ZMYM2: variants seen among roughly 807,000 people sequenced by gnomAD.
ZMYM2 encodes the protein zinc finger MYM-type protein 2.
A neutral mutation model predicts 162.8 loss-of-function variants in ZMYM2; 56 were observed. The ratio of observed to expected loss-of-function variants is 0.34; its 90% CI spans 0.28 to 0.43. The LOEUF (loss-of-function observed/expected upper bound fraction) is 0.43. Among genes scored for constraint, ZMYM2 ranks in the 20% least tolerant of loss-of-function variants. The pLI is 1.00. For synonymous variants in ZMYM2, 510 were observed against 541.6 expected (o/e 0.94, Z 0.81); for missense variants, 1,275 against 1,621.8 (o/e 0.79, Z 3.67).
chr13:19,888,463 A>T, the ZMYM2 span, among the ~76,000 whole-genome samples: 1 of 151,854 alleles, frequency 6.6e-6, no homozygotes, highest in South Asian at 2.1e-4. Context: ...TGCTGGCAAT[A>T]CAGGCATGAG....
At chr13:19,915,230 G>A in the ZMYM2 span, among the ~76,000 whole-genome samples, 7 of 151,998 alleles carry the variant, frequency 4.6e-5, no homozygotes, top group African/African-American at 1.7e-4. Context: ...CAAAGTGCTG[G>A]GATTACAGGC....
intron 21 of ZMYM2, among the ~76,000 whole-genome samples, chr13:20,078,725 C>T (rs947683115): frequency 3.3e-5 from 5 of 152,008 alleles, no homozygotes; most frequent in Non-Finnish European, 7.4e-5. Flanking sequence ...AAAATATATA[C>T]AAGATTTCAA....
chr13:20,079,342 AAGGAT>A (rs1247571320), intron 21 of ZMYM2, among the ~76,000 whole-genome samples: 1 of 133,198 alleles, frequency 7.5e-6, no homozygotes, highest in Non-Finnish European at 1.5e-5. Context: ...AAAAAAAAAA[AAGGAT>A]ACTTAATGAA....
the ZMYM2 span, among the ~76,000 whole-genome samples, chr13:19,932,837 A>G: frequency 9.2e-5 from 14 of 152,226 alleles, no homozygotes; most frequent in African/African-American, 3.4e-4. Flanking sequence ...TTTGTTGTTT[A>G]AACCACCCAG....
chr13:20,067,724 A>G (rs1199636829), intron 21 of ZMYM2, among the ~76,000 whole-genome samples: 3 of 152,178 alleles, frequency 2.0e-5, no homozygotes, highest in Non-Finnish European at 4.4e-5. Context: ...GTTAAATAGT[A>G]TAACTACTCA....
chr13:19,974,941 A>C (rs1172695877), intron 2 of ZMYM2, among the ~76,000 whole-genome samples: 1 of 152,162 alleles, frequency 6.6e-6, no homozygotes, highest in African/African-American at 2.4e-5. Flanking sequence ...TGTTAATATA[A>C]GAGAAAATTG....
the ZMYM2 span, among the ~76,000 whole-genome samples, chr13:19,909,395 C>G: frequency 6.0e-5 from 9 of 151,258 alleles, no homozygotes; most frequent in South Asian, 1.9e-3. Context: ...TGGTTGCCTA[C>G]CCCTCCTCAT....
At chr13:20,084,250 C>T (rs942849591) in intron 24 of ZMYM2, among the ~76,000 whole-genome samples, 2 of 152,130 alleles carry the variant, frequency 1.3e-5, no homozygotes, top group Admixed American at 1.3e-4. Context: ...TGACCTCAAG[C>T]CATCCTCGTG....
intron 2 of ZMYM2, among the ~76,000 whole-genome samples, chr13:19,986,345 G>T (rs9508992): frequency 6.6e-6 from 1 of 151,004 alleles, no homozygotes; most frequent in African/African-American, 2.4e-5. Flanking sequence ...TAGAAAGATC[G>T]CCATCTCAGA....
Position 20,019,527 on chromosome 13 carries a change from CTT to C in ZMYM2, c.1513-17_1513-16del, listed in dbSNP as rs1951896834. The C allele has an allele frequency of 1.3e-6, 2 of 1,557,188 alleles. No individual in the cohort carries two copies. Among genetic ancestry groups the C allele is most frequent in the African/African-American group, 1.4e-5 (1 of 73,120 alleles). ...TATTCTTTATGTGTGTTTATAAAGT[CTT>C]TTAAAATCTTTTTTTAGGTAGGTAG... is the stretch of plus-strand genomic sequence containing the variant. On this transcript the variant is annotated intron_variant, in intron 6 of 24. Transcript: ENST00000610343.
the ZMYM2 span, among the ~76,000 whole-genome samples, chr13:19,870,343 G>T: frequency 6.6e-6 from 1 of 151,846 alleles, no homozygotes; most frequent in Non-Finnish European, 1.5e-5. Flanking sequence ...TTTTGTAGTT[G>T]CCCAGGCTGG....
the ZMYM2 span, among the ~76,000 whole-genome samples, chr13:19,924,161 T>C: frequency 2.0e-5 from 3 of 152,202 alleles, no homozygotes; most frequent in Admixed American, 1.3e-4. Context: ...TCTATGTTCA[T>C]TGAACAACCC....
At chr13:20,081,307 C>T (rs184905845) in intron 21 of ZMYM2, among the ~76,000 whole-genome samples, 1 of 152,304 alleles carries the variant, frequency 6.6e-6, no homozygotes, top group East Asian at 1.9e-4. Context: ...ACAGTGTACT[C>T]CCAATTCTTG....
In ZMYM2 at chr13:20,085,955, C is replaced by A; in HGVS notation, c.4075C>A (p.Leu1359Ile). The change falls in exon 25 of 25, where the codon CTT (leucine) becomes ATT (isoleucine). Residue 1359 changes from leucine to isoleucine, a missense_variant. This residue lies in a region of ZMYM2 where 69 missense variants were observed against 78.4 expected (regional missense o/e 0.88). Coordinates refer to ENST00000610343, the MANE Select transcript of ZMYM2 (RefSeq NM_197968.4). ...NTLENMLVRV[L>I]LVKDIYDKDN... ...CTTGGAAAATATGCTTGTACGGGTT[C>A]TTCTAGTAAAAGATATTTATGATAA... 6.2e-7 allele frequency: 1 copy of A among 1,613,674 alleles called. No homozygotes were observed. Among genetic ancestry groups the A allele is most frequent in the Non-Finnish European group, 8.5e-7 (1 of 1,179,720 alleles).
intron 2 of ZMYM2, among the ~76,000 whole-genome samples, chr13:19,983,961 A>C (rs1052637261): frequency 2.0e-5 from 3 of 152,192 alleles, no homozygotes; most frequent in African/African-American, 7.2e-5. Flanking sequence ...TAAATCTATC[A>C]TATTAACTCA....
At chr13:19,869,360 G>C in the ZMYM2 span, among the ~76,000 whole-genome samples, 1 of 152,136 alleles carries the variant, frequency 6.6e-6, no homozygotes, top group South Asian at 2.1e-4. Context: ...TATTAACATG[G>C]AGTATGGGAA....
At chr13:20,012,206 C>T (rs921322497) in intron 6 of ZMYM2, among the ~76,000 whole-genome samples, 6 of 149,210 alleles carry the variant, frequency 4.0e-5, no homozygotes, top group Admixed American at 6.6e-5. Flanking sequence ...AGATGGGTCT[C>T]GGTCTGTAGC....
chr13:19,928,525 G>T, the ZMYM2 span, among the ~76,000 whole-genome samples: 2 of 152,034 alleles, frequency 1.3e-5, no homozygotes, highest in African/African-American at 4.8e-5. Flanking sequence ...GGCTGGGTGC[G>T]GGGGCTCATG....
the ZMYM2 span, among the ~76,000 whole-genome samples, chr13:19,874,721 T>C: frequency 2.6e-5 from 4 of 151,378 alleles, no homozygotes; most frequent in South Asian, 2.1e-4. Context: ...AGAAAAGATA[T>C]ACAGATTTTA....
Sources: gnomAD v4.1 joint callset for allele counts (sites outside exome capture counted in the v4.1 genomes callset) on GRCh38, gnomAD v4.1.1 for gene constraint, gnomAD v4.1.1 regional missense constraint, MANE v1.5 for transcripts, NCBI Gene and HGNC (gene_info 2026-07-23, HGNC 2026-07-21) for gene names.